Variants in DSCAM observed in about 807,000 individuals in gnomAD.
The protein encoded by DSCAM is cell adhesion molecule DSCAM.
A neutral mutation model predicts 217.7 loss-of-function variants in DSCAM; 47 were observed. That is an observed-to-expected ratio of 0.22 (90% CI 0.17 to 0.28). The LOEUF (loss-of-function observed/expected upper bound fraction) is 0.28. Among genes scored for constraint, DSCAM ranks in the 10% least tolerant of loss-of-function variants. DSCAM has a pLI of 1.00. For missense variants in DSCAM, 2,080 were observed against 2,618.3 expected (o/e 0.79, Z 4.49); for synonymous variants, 1,056 against 1,015.3 (o/e 1.04, Z -0.76).
At chr21:40,483,620 G>A (rs894647544) in intron 3 of DSCAM, among the ~76,000 whole-genome samples, 1 of 152,096 alleles carries the variant, frequency 6.6e-6, no homozygotes, top group African/African-American at 2.4e-5. Flanking sequence ...TTAAACATAA[G>A]TTAAAATTTC....
Position 40,618,331 on chromosome 21 carries a change from C to T in DSCAM, c.508+74479G>A, listed in dbSNP as rs373700401. On this transcript the variant is annotated intron_variant, in intron 3 of 32. Coordinates refer to ENST00000400454, the MANE Select transcript of DSCAM (RefSeq NM_001389.5). ...GTGGTCTTTGCCTTTATGGAACTTC[C>T]ACATGACATCCTCTAAAGGGGGAGG... is the stretch of plus-strand genomic sequence containing the variant. 9.3e-4 allele frequency among the ~76,000 whole-genome samples: 141 copies of T among 152,318 alleles called. No homozygotes were observed. In the Middle Eastern group the frequency reaches 0.01, roughly 11 times the overall value.
chr21:40,115,231 G>T (rs1657219196), intron 20 of DSCAM, among the ~76,000 whole-genome samples: 1 of 152,094 alleles, frequency 6.6e-6, no homozygotes. Flanking sequence ...ACACTATGCA[G>T]CCATAAAAAA....
At chr21:40,342,118 C>T (rs1031188980) in intron 6 of DSCAM, among the ~76,000 whole-genome samples, 1 of 151,942 alleles carries the variant, frequency 6.6e-6, no homozygotes, top group African/African-American at 2.4e-5. Flanking sequence ...AAATCTTTGG[C>T]CATTGTTATA....
chr21:40,475,359 G>C (rs1213050964), intron 3 of DSCAM, among the ~76,000 whole-genome samples: 1 of 152,216 alleles, frequency 6.6e-6, no homozygotes, highest in Non-Finnish European at 1.5e-5. Context: ...ATCCCTGCTG[G>C]TGTGAAACTT....
intron 19 of DSCAM, among the ~76,000 whole-genome samples, chr21:40,129,378 T>C (rs1221069267): frequency 6.6e-6 from 1 of 152,210 alleles, no homozygotes; most frequent in Non-Finnish European, 1.5e-5. Flanking sequence ...AGAGTGTTCA[T>C]TCTTTAAATG....
chr21:40,306,707 T>G (rs551359600), intron 9 of DSCAM, among the ~76,000 whole-genome samples: 37 of 152,106 alleles, frequency 2.4e-4, no homozygotes, highest in Non-Finnish European at 1.3e-4. Flanking sequence ...TAATCATGTG[T>G]TTTTTGTCTT....
chr21:40,359,163 A>G (rs2074729764), intron 4 of DSCAM, among the ~76,000 whole-genome samples: 1 of 152,212 alleles, frequency 6.6e-6, no homozygotes, highest in East Asian at 1.9e-4. Context: ...ATCTTCATAC[A>G]TCGTTGGTGG....
At chr21:40,695,983 C>T (rs922864347) in intron 2 of DSCAM, among the ~76,000 whole-genome samples, 2 of 152,048 alleles carry the variant, frequency 1.3e-5, no homozygotes, top group African/African-American at 4.8e-5. Context: ...CCATAGTCAG[C>T]CCCGAAGACA....
At chr21:40,772,162 ATTTG>A (rs756472733) in intron 1 of DSCAM, among the ~76,000 whole-genome samples, 22 of 152,144 alleles carry the variant, frequency 1.4e-4, no homozygotes, top group East Asian at 1.2e-3. Flanking sequence ...TTAAAAAGTG[ATTTG>A]TTTCTGTTTT....
At chr21:40,257,492 A>T (rs1232616148) in intron 11 of DSCAM, among the ~76,000 whole-genome samples, 1 of 151,720 alleles carries the variant, frequency 6.6e-6, no homozygotes, top group Non-Finnish European at 1.5e-5. Flanking sequence ...ACACACACAC[A>T]CACACAATGG....
intron 11 of DSCAM, among the ~76,000 whole-genome samples, chr21:40,269,914 A>C (rs2073593376): frequency 6.6e-6 from 1 of 152,204 alleles, no homozygotes; most frequent in South Asian, 2.1e-4. Context: ...GAGGTTACAA[A>C]TTCAACATAC....
At chr21:40,578,399 A>T (rs2076872496) in intron 3 of DSCAM, among the ~76,000 whole-genome samples, 1 of 152,132 alleles carries the variant, frequency 6.6e-6, no homozygotes, top group Admixed American at 6.5e-5. Flanking sequence ...TTGTAAATGC[A>T]CCAGTCAGCA....
chr21:40,245,152 T>A (rs566811419), intron 11 of DSCAM, among the ~76,000 whole-genome samples: 9 of 152,280 alleles, frequency 5.9e-5, no homozygotes, highest in Admixed American at 5.9e-4. Context: ...CAGCACAATT[T>A]ATTGGCACTT....
intron 3 of DSCAM, among the ~76,000 whole-genome samples, chr21:40,474,067 C>A (rs1022010094): frequency 6.6e-6 from 1 of 151,846 alleles, no homozygotes; most frequent in Non-Finnish European, 1.5e-5. Context: ...CTGAGGCGGG[C>A]GGATCACCTG....
At position 40,144,335 on chromosome 21, in the gene DSCAM, G is replaced by T. The variant is rs1433560786; in HGVS notation, c.3259+156C>A. On this transcript the variant is annotated intron_variant, in intron 17 of 32. Coordinates refer to ENST00000400454, the MANE Select transcript of DSCAM (RefSeq NM_001389.5). The surrounding 1 kb of genome is among the most constrained non-coding windows in gnomAD (Gnocchi z 4.8). ...GCGGGCAGATCAGCGGGGTGGGCGA[G>T]GTCACGAGGGAAGGCTTTTCCACCC... Among the ~76,000 whole-genome samples, 1 of 152,164 alleles carries T rather than the reference G, an allele frequency of 6.6e-6. No individual in the cohort carries two copies. The highest frequency in any genetic ancestry group is 2.4e-5 in the African/African-American group (1 of 41,452).
At chr21:40,546,750 A>G (rs1260892530) in intron 3 of DSCAM, among the ~76,000 whole-genome samples, 3 of 152,136 alleles carry the variant, frequency 2.0e-5, no homozygotes, top group Non-Finnish European at 4.4e-5. Context: ...CTAAAGTTGG[A>G]TTTATGTCTC....
chr21:40,040,720 A>G (rs1262328476), intron 32 of DSCAM, among the ~76,000 whole-genome samples: 2 of 152,196 alleles, frequency 1.3e-5, no homozygotes, highest in African/African-American at 4.8e-5. Context: ...TGCTATGTGC[A>G]TCTAACAGAA....
Position 40,405,397 on chromosome 21 carries a change from G to T in DSCAM, c.509-36152C>A, listed in dbSNP as rs537487685. Among the ~76,000 whole-genome samples, 89 of 152,266 alleles carry T rather than the reference G, an allele frequency of 5.8e-4. 4 individuals are homozygous for T. In the South Asian group the frequency reaches 0.018, roughly 31 times the overall value. On this transcript the variant is annotated intron_variant, in intron 3 of 32. Coordinates refer to ENST00000400454, the MANE Select transcript of DSCAM (RefSeq NM_001389.5). ...TTGGGGGTAAGCATTAGTGATATAT[G>T]CTAAAAGTGGTCCCCAGTAGAAAAG...
chr21:40,821,136 A>ATATATATATAGATATATATAT (rs2091922777), intron 1 of DSCAM, among the ~76,000 whole-genome samples: 1 of 24,186 alleles, frequency 4.1e-5, no homozygotes, highest in Admixed American at 5.6e-4. Context: ...ATATATCTTC[A>ATATATATATAGATATATATAT]CATATATATA....
Sources: allele counts gnomAD v4.1 joint callset (sites outside exome capture counted in the v4.1 genomes callset), GRCh38; gene constraint gnomAD v4.1.1; non-coding constraint Gnocchi (gnomAD v3.1); transcripts MANE v1.5; gene names NCBI Gene and HGNC (gene_info 2026-07-23, HGNC 2026-07-21).